The following NBPF9 variants were observed in gnomAD, a reference collection of about 807,000 sequenced individuals.
The protein encoded by NBPF9 is NBPF family member NBPF9.
A neutral mutation model predicts 97.8 loss-of-function variants in NBPF9; 91 were observed. The observed-to-expected ratio is 0.93, with a 90% CI of 0.79 to 1.11. The LOEUF is 1.11. NBPF9 is among the 50% of genes least tolerant of loss of function. The pLI is 0.00. For missense variants in NBPF9, 992 were observed against 939.5 expected (o/e 1.06, Z -0.73); for synonymous variants, 334 against 359.5 (o/e 0.93, Z 0.80).
At chr1:149,077,859 T>C in intron 10 of NBPF9, 24 bp downstream of exon 10, 2 of 1,578,572 alleles carry the variant, frequency 1.3e-6, no homozygotes, top group Non-Finnish European at 1.7e-6. Flanking sequence ...CACCCATTAC[T>C]TGCTCCTGAG....
At chr1:149,099,293 C>G (rs10399744) in intron 3 of NBPF9, among the ~76,000 whole-genome samples, 1 of 152,202 alleles carries the variant, frequency 6.6e-6, no homozygotes. Context: ...ACAAAAGCCC[C>G]AAAATCTTAG....
intron 5 of NBPF9, among the ~76,000 whole-genome samples, chr1:149,082,966 T>TTC (rs1260092831): frequency 2.6e-5 from 3 of 117,634 alleles, no homozygotes; most frequent in Non-Finnish European, 3.6e-5. Flanking sequence ...TCTTTTTTTT[T>TTC]TTTTTTTTTT....
rs2078594615 is a variant in NBPF9 at position 149,061,497 on chromosome 1, C to G, written c.2252-114G>C. The G allele has an allele frequency of 1.4e-5, 7 of 484,656 alleles. 1 individual carries two copies. Among genetic ancestry groups the G allele is most frequent in the South Asian group, 1.3e-4 (6 of 47,464 alleles). 30.0% of individuals were successfully genotyped at this position (484,656 alleles called of 1,614,324 possible). The stretch of plus-strand genomic sequence containing the variant: ...CAGGCTCCTCAGCATGAGCACAGGA[C>G]AATGTGACAGATATACTTCAGGAAG... On this transcript the variant is annotated intron_variant, in intron 22 of 29. Coordinates refer to ENST00000584027, the Ensembl canonical transcript of NBPF9.
At chr1:149,075,554 G>T (rs2079787176) in intron 12 of NBPF9, 101 bp downstream of exon 12, 9 of 1,402,412 alleles carry the variant, frequency 6.4e-6, no homozygotes, top group Non-Finnish European at 8.1e-6. Flanking sequence ...TAGAAGTATG[G>T]GGAGGATGAC....
At chr1:149,068,434 C>T (rs2079168356) in intron 17 of NBPF9, among the ~76,000 whole-genome samples, 1 of 149,322 alleles carries the variant, frequency 6.7e-6, no homozygotes, top group Non-Finnish European at 1.5e-5. Context: ...GGAGGAAGAT[C>T]TACCAAGCAA....
At chr1:149,074,683 C>T (rs1416075322) in intron 12 of NBPF9, among the ~76,000 whole-genome samples, 1 of 151,282 alleles carries the variant, frequency 6.6e-6, no homozygotes, top group African/African-American at 2.4e-5. Flanking sequence ...CACTGCACTG[C>T]TATCTCCACA....
chr1:149,084,352 C>A (rs187654237), intron 5 of NBPF9, among the ~76,000 whole-genome samples: 2 of 144,844 alleles, frequency 1.4e-5, no homozygotes, highest in Non-Finnish European at 3.0e-5. Context: ...AATATATATA[C>A]GTGTATATAC....
At chr1:149,072,869 C>T in exon 14 of NBPF9, 2 of 1,605,692 alleles carry the variant, frequency 1.2e-6, no homozygotes, top group Non-Finnish European at 1.7e-6. Context: ...CTCTCCCTTC[C>T]CGCAACTTCT....
intron 18 of NBPF9, 76 bp from the exon 19 acceptor site, chr1:149,064,558 C>G (rs1575828974): frequency 5.4e-6 from 5 of 933,054 alleles, no homozygotes; most frequent in Non-Finnish European, 8.6e-6. Flanking sequence ...TCTGTCCAAT[C>G]CTAACACAGG....
chr1:149,090,056 AG>A (rs2081318334), intron 5 of NBPF9: 1 of 151,726 alleles, frequency 6.6e-6, no homozygotes, highest in African/African-American at 2.4e-5. Context: ...CCTGAATTAA[AG>A]CTGATGGGAG....
At chr1:149,077,654 C>A (rs1445320823) in intron 10 of NBPF9, among the ~76,000 whole-genome samples, 1 of 152,152 alleles carries the variant, frequency 6.6e-6, no homozygotes, top group Non-Finnish European at 1.5e-5. Flanking sequence ...CAGATAGGAG[C>A]TGAGGAGGAT....
chr1:149,095,359 C>A (rs2081675730), intron 4 of NBPF9, among the ~76,000 whole-genome samples: 1 of 139,972 alleles, frequency 7.1e-6, no homozygotes, highest in Non-Finnish European at 1.5e-5. Context: ...CCATAAGAAT[C>A]CTAAGAGATA....
At chr1:149,073,316 A>G (rs868935777) in intron 13 of NBPF9, among the ~76,000 whole-genome samples, 1 of 141,390 alleles carries the variant, frequency 7.1e-6, no homozygotes, top group African/African-American at 2.7e-5. Context: ...AAATGAGGCC[A>G]GGGGCAGATG....
chr1:149,077,547 T>G, intron 10 of NBPF9, 128 bp from the exon 11 acceptor site: 1 of 978,882 alleles, frequency 1.0e-6, no homozygotes, highest in South Asian at 1.3e-5. Flanking sequence ...GGAGGTTCCC[T>G]TAAAGAGGGA....
intron 4 of NBPF9, among the ~76,000 whole-genome samples, chr1:149,095,777 G>C: frequency 6.6e-6 from 1 of 152,028 alleles, no homozygotes; most frequent in Non-Finnish European, 1.5e-5. Context: ...TATCAGAATG[G>C]CTAAAACACA....
At chr1:149,079,394 G>T (rs587693932) in intron 8 of NBPF9, among the ~76,000 whole-genome samples, 173 bp from the exon 9 acceptor site, 1 of 151,692 alleles carries the variant, frequency 6.6e-6, no homozygotes, top group Non-Finnish European at 1.5e-5. Context: ...TGGTTTACAG[G>T]CTTCCTCTGT....
At chr1:149,089,515 G>A (rs1553659568) in intron 5 of NBPF9, among the ~76,000 whole-genome samples, 1 of 152,292 alleles carries the variant, frequency 6.6e-6, no homozygotes, top group Non-Finnish European at 1.5e-5. Context: ...AGCCAGGGAT[G>A]CATTCTAGAA....
intron 16 of NBPF9, 124 bp downstream of exon 16, chr1:149,070,810 A>G (rs2079345324): frequency 2.0e-6 from 3 of 1,483,704 alleles, no homozygotes; most frequent in Non-Finnish European, 2.8e-6. Context: ...AAACTCCCTG[A>G]TATCTGTTTA....
intron 13 of NBPF9, 31 bp from the exon 14 acceptor site, chr1:149,072,963 G>A (rs1553653332): frequency 1.2e-6 from 2 of 1,600,558 alleles, no homozygotes; most frequent in Admixed American, 1.7e-5. Context: ...AAAATTAAGA[G>A]TGGAAAGGGT....
Sources: gnomAD v4.1 joint callset for allele counts (sites outside exome capture counted in the v4.1 genomes callset) on GRCh38, gnomAD v4.1.1 for gene constraint, MANE v1.5 for transcripts, NCBI Gene and HGNC (gene_info 2026-07-23, HGNC 2026-07-21) for gene names.